The following PCDHGB7 variants were observed in gnomAD, a reference collection of about 807,000 sequenced individuals.
The protein encoded by PCDHGB7 is protocadherin gamma-B7.
In PCDHGB7, 37 loss-of-function variants were observed where a neutral mutation model predicts 61.4. That is an observed-to-expected ratio of 0.60 (90% CI 0.46 to 0.79). PCDHGB7 has a LOEUF of 0.79. Ranked by LOEUF, PCDHGB7 falls within the 30% of genes least tolerant of loss-of-function variation. The probability of loss-of-function intolerance (pLI) is 0.00; values close to 1 mark genes in which losing one functional copy is unlikely to be tolerated. For synonymous variants in PCDHGB7, 464 were observed against 503.5 expected (o/e 0.92, Z 1.05); for missense variants, 1,166 against 1,202.5 (o/e 0.97, Z 0.45).
chr5:141,489,397 G>T lies in PCDHGB7; in HGVS notation c.2416-5410G>T. ...GGTGGGGAATGTTGCTCAGGATCTG[G>T]GCTTAAAGATGACAGATCTGTTGAG... On this transcript the variant is annotated intron_variant, in intron 1 of 3. Coordinates refer to ENST00000398594, the MANE Select transcript of PCDHGB7 (RefSeq NM_018927.4). The surrounding 1 kb of genome is among the most constrained non-coding windows in gnomAD (Gnocchi z 4.5). 2 of 1,614,176 alleles carry T rather than the reference G, an allele frequency of 1.2e-6. No individual in the cohort carries two copies. Among genetic ancestry groups the T allele is most frequent in the Non-Finnish European group, 1.7e-6 (2 of 1,180,038 alleles).
In PCDHGB7 at chr5:141,485,013, C is replaced by A. The variant is rs551059588; in HGVS notation, c.2416-9794C>A. ...GTGAAAGGCAGACAAATCTACCCCG[C>A]CACCAGCAAAAACGGCGCGTAACCC... On this transcript the variant is annotated intron_variant, in intron 1 of 3. Coordinates refer to ENST00000398594, the MANE Select transcript of PCDHGB7 (RefSeq NM_018927.4). This position sits in a 1 kb window ranked among gnomAD's most constrained non-coding sequence, Gnocchi z 5.7. The A allele has an allele frequency of 6.3e-6, 4 of 634,556 alleles. No homozygotes were observed. Among genetic ancestry groups the A allele is most frequent in the South Asian group, 3.9e-5 (2 of 51,594 alleles). The allele number at this position is 634,556 out of a possible 1,614,324, so 39.3% of individuals were successfully genotyped here. A position where few individuals can be genotyped will look rare whatever the true frequency, so the allele number is the denominator to read the frequency against.
At chr5:141,420,413 A>T in intron 1 of PCDHGB7, 139 bp downstream of exon 1, 1 of 1,222,396 alleles carries the variant, frequency 8.2e-7, no homozygotes, top group Non-Finnish European at 1.1e-6. Context: ...GGTTATCATT[A>T]TTAAAACAAA....
chr5:141,452,360 C>A (rs1045666881), intron 1 of PCDHGB7, among the ~76,000 whole-genome samples: 3 of 152,172 alleles, frequency 2.0e-5, no homozygotes, highest in Non-Finnish European at 4.4e-5. Flanking sequence ...AAAAGCCTTG[C>A]TTCATTTTAG....
intron 2 of PCDHGB7, among the ~76,000 whole-genome samples, chr5:141,504,506 A>T (rs575756846): frequency 1.3e-5 from 2 of 152,096 alleles, no homozygotes; most frequent in African/African-American, 4.8e-5. Context: ...GTCTGAGTGG[A>T]TCTCCTCTGA....
intron 1 of PCDHGB7, 45 bp downstream of exon 1, chr5:141,420,319 G>A (rs1393746531): frequency 7.0e-7 from 1 of 1,437,540 alleles, no homozygotes; most frequent in Non-Finnish European, 9.4e-7. Flanking sequence ...ATTACAATAT[G>A]CCAATATATT....
intron 1 of PCDHGB7, among the ~76,000 whole-genome samples, chr5:141,429,527 T>TA (rs1321273157): frequency 1.3e-5 from 2 of 152,038 alleles, no homozygotes; most frequent in African/African-American, 4.8e-5. Flanking sequence ...GAAAAAAGCT[T>TA]AAAAAAATAA....
rs2098680935 is a variant in PCDHGB7, at chr5:141,450,471, G to A, written c.2415+30197G>A. 2.0e-5 allele frequency among the ~76,000 whole-genome samples: 3 copies of A among 147,910 alleles called. No homozygotes were observed. In the South Asian group the frequency reaches 6.2e-4, roughly 31 times the overall value. ...GTTTCCTCGTGATTTTATATATAGA[G>A]TTTGTTTGTTTGTTTGTCTGTTTGT... On this transcript the variant is annotated intron_variant, in intron 1 of 3. Transcript: ENST00000398594.
At chr5:141,481,822 G>A (rs1017311512) in intron 1 of PCDHGB7, among the ~76,000 whole-genome samples, 12 of 151,620 alleles carry the variant, frequency 7.9e-5, no homozygotes, top group Non-Finnish European at 1.5e-4. Context: ...CGTGGTGGCT[G>A]AGGCAGGAGA....
Position 141,493,876 on chromosome 5 carries a change from G to T in PCDHGB7, c.2416-931G>T, listed in dbSNP as rs2099750541. 6.6e-6 allele frequency among the ~76,000 whole-genome samples: 1 copy of T among 152,194 alleles called. No homozygotes were observed. ...CAGCCCACCCCAGAACCAGTGAGGA[G>T]GTGGCTCTAGGAGTGCTCCATGAGA... On this transcript the variant is annotated intron_variant, in intron 1 of 3. Transcript: ENST00000398594. The surrounding 1 kb of genome is among the most constrained non-coding windows in gnomAD (Gnocchi z 4.3).
rs778649723 is a variant in PCDHGB7 at position 141,418,310 on chromosome 5, G to C, written c.451G>C (p.Gly151Arg). The C allele has an allele frequency of 1.2e-6, 2 of 1,613,990 alleles. No homozygotes were observed. The highest frequency in any genetic ancestry group is 1.7e-6 in the Non-Finnish European group (2 of 1,179,886). The change falls in exon 1 of 4, where the codon GGA (glycine) becomes CGA (arginine). Residue 151 changes from glycine to arginine, a missense_variant. Physicochemically the swap from Gly to Arg is moderately radical, Grantham distance 125. Transcript: ENST00000398594. Reference protein sequence around the residue: ...EISESVSLGMGTILESAEDPD... With the variant: ...EISESVSLGMRTILESAEDPD... The stretch of plus-strand genomic sequence containing the variant: ...CAGTGAATCCGTCAGCCTGGGGATG[G>C]GAACAATTCTTGAGTCTGCAGAAGA...
chr5:141,455,787 C>T (rs1259121501), intron 1 of PCDHGB7, among the ~76,000 whole-genome samples: 2 of 152,004 alleles, frequency 1.3e-5, no homozygotes, highest in Non-Finnish European at 2.9e-5. Flanking sequence ...GAAACTTTTC[C>T]GGAGATGCTT....
chr5:141,510,621 A>G (rs1317150967), intron 3 of PCDHGB7, among the ~76,000 whole-genome samples: 1 of 152,176 alleles, frequency 6.6e-6, no homozygotes, highest in Non-Finnish European at 1.5e-5. Flanking sequence ...CACTAAAACC[A>G]GAAGAGGTGG....
Position 141,477,918 on chromosome 5 carries a change from G to A in PCDHGB7, c.2416-16889G>A. 1 of 1,614,154 alleles carries A rather than the reference G, an allele frequency of 6.2e-7. No individual in the cohort carries two copies. Among genetic ancestry groups the A allele is most frequent in the Admixed American group, 1.7e-5 (1 of 60,026 alleles). ...GTGGTAGGCTGGGACGCGGATGCAG[G>A]GCACAATGCCTGGCTCTCCTACAGT... is the stretch of plus-strand genomic sequence containing the variant. On this transcript the variant is annotated intron_variant, in intron 1 of 3. Coordinates refer to ENST00000398594, the MANE Select transcript of PCDHGB7 (RefSeq NM_018927.4). The surrounding 1 kb of genome is among the most constrained non-coding windows in gnomAD (Gnocchi z 4.9).
intron 1 of PCDHGB7, among the ~76,000 whole-genome samples, chr5:141,474,990 A>G (rs1245269630): frequency 6.6e-6 from 1 of 152,222 alleles, no homozygotes; most frequent in African/African-American, 2.4e-5. Context: ...GGTGACAACA[A>G]TTCTAAATGC....
rs1256615029 is a variant in PCDHGB7 at position 141,512,740 on chromosome 5, C to T, written c.*1567C>T. ...GCGGGTGGGCAGCGGGCGGCGGGCT[C>T]CGCGCAGCCGTCTGTCCTTGATCTG... On this transcript the variant is annotated 3_prime_UTR_variant, in exon 4 of 4. Transcript: ENST00000398594. 1 of 152,788 alleles carries T rather than the reference C, an allele frequency of 6.5e-6. No individual in the cohort carries two copies. The highest frequency in any genetic ancestry group is 1.5e-5 in the Non-Finnish European group (1 of 68,570). The allele number at this position is 152,788 out of a possible 1,614,324, so 9.5% of individuals were successfully genotyped here.
chr5:141,450,985 C>T (rs533993975), intron 1 of PCDHGB7, among the ~76,000 whole-genome samples: 22 of 151,876 alleles, frequency 1.4e-4, no homozygotes, highest in African/African-American at 3.9e-4. Flanking sequence ...CCACCACACC[C>T]GGCTAATTTT....
chr5:141,458,718 C>T (rs569153299), intron 1 of PCDHGB7, among the ~76,000 whole-genome samples: 3 of 151,942 alleles, frequency 2.0e-5, no homozygotes, highest in African/African-American at 4.8e-5. Context: ...TACAGGTATT[C>T]GCCACCACAT....
At chr5:141,484,102 A>T (rs1404220648) in intron 1 of PCDHGB7, among the ~76,000 whole-genome samples, 1 of 152,206 alleles carries the variant, frequency 6.6e-6, no homozygotes, top group African/African-American at 2.4e-5. Flanking sequence ...GTTGGTAATT[A>T]ACAAAAGATC....
In PCDHGB7 at chr5:141,477,362, G is replaced by T. The variant is rs920445601; in HGVS notation, c.2416-17445G>T. 6.2e-7 allele frequency: 1 copy of T among 1,614,142 alleles called. No individual in the cohort carries two copies. The highest frequency in any genetic ancestry group is 1.3e-5 in the African/African-American group (1 of 75,022). On this transcript the variant is annotated intron_variant, in intron 1 of 3. Coordinates refer to ENST00000398594, the MANE Select transcript of PCDHGB7 (RefSeq NM_018927.4). The surrounding 1 kb of genome is among the most constrained non-coding windows in gnomAD (Gnocchi z 4.9). ...CACTTTGAAAACCAGTGCAGACCTG[G>T]ATCGGGAGACTGTGCCAGAATACAA...
Sources: gnomAD v4.1 joint callset for allele counts (sites outside exome capture counted in the v4.1 genomes callset) on GRCh38, gnomAD v4.1.1 for gene constraint, Gnocchi (gnomAD v3.1) non-coding constraint, MANE v1.5 for transcripts, NCBI Gene and HGNC (gene_info 2026-07-23, HGNC 2026-07-21) for gene names.